The following MAGOHB variants were observed in gnomAD, a reference collection of about 807,000 sequenced individuals.
MAGOHB encodes the protein protein mago nashi homolog 2.
MAGOHB carries 15 observed loss-of-function variants against 20.9 expected under a neutral mutation model. That is an observed-to-expected ratio of 0.72 (90% CI 0.48 to 1.11). The LOEUF is 1.11. MAGOHB is among the 50% of genes least tolerant of loss of function. MAGOHB has a pLI of 0.00. For synonymous variants in MAGOHB, 50 were observed against 57.9 expected (o/e 0.86, Z 0.62); for missense variants, 162 against 177.6 (o/e 0.91, Z 0.50).
intron 1 of MAGOHB, 48 bp downstream of exon 1, chr12:10,613,391 G>C (rs748673415): frequency 1.3e-6 from 2 of 1,544,100 alleles, no homozygotes; most frequent in Non-Finnish European, 1.8e-6. Context: ...CCGGCCTCTC[G>C]GTCTCGCTCC....
chr12:10,613,192 C>G (rs918946305), intron 1 of MAGOHB, among the ~76,000 whole-genome samples: 1 of 152,122 alleles, frequency 6.6e-6, no homozygotes, highest in Non-Finnish European at 1.5e-5. Context: ...TCTAGAGTCC[C>G]TTCTGGTGCA....
intron 1 of MAGOHB, among the ~76,000 whole-genome samples, chr12:10,611,255 T>C (rs966884536): frequency 3.9e-5 from 6 of 152,340 alleles, no homozygotes; most frequent in African/African-American, 1.4e-4. Flanking sequence ...AATGCAGACA[T>C]TTTAGAATTA....
intron 4 of MAGOHB, among the ~76,000 whole-genome samples, chr12:10,607,434 C>T (rs564227378): frequency 2.6e-5 from 4 of 152,094 alleles, no homozygotes; most frequent in African/African-American, 7.2e-5. Flanking sequence ...GGGAAGACAT[C>T]GATAGCTAAA....
chr12:10,600,479 C>T (rs1865543793), downstream of MAGOHB, among the ~76,000 whole-genome samples: 1 of 152,038 alleles, frequency 6.6e-6, no homozygotes, highest in East Asian at 1.9e-4. Context: ...ATATATATCA[C>T]CAAATGCCCT....
At chr12:10,610,710 A>C (rs1369581096) in intron 1 of MAGOHB, 30 bp from the exon 2 acceptor site, 1 of 1,561,336 alleles carries the variant, frequency 6.4e-7, no homozygotes. Flanking sequence ...ATCAATTTAT[A>C]ATAGCAAAAA....
intron 1 of MAGOHB, among the ~76,000 whole-genome samples, chr12:10,611,767 A>AT (rs1260602299): frequency 6.7e-6 from 1 of 149,178 alleles, no homozygotes; most frequent in Non-Finnish European, 1.5e-5. Flanking sequence ...AAAAAAAAAA[A>AT]AAAAAAAAGA....
chr12:10,608,188 T>G, intron 3 of MAGOHB: 1 of 293,114 alleles, frequency 3.4e-6, no homozygotes. Context: ...AAGAAGACAC[T>G]ATGAAACAAA....
intron 2 of MAGOHB, 43 bp from the exon 3 acceptor site, chr12:10,609,984 T>C (rs374430869): frequency 2.7e-4 from 300 of 1,107,340 alleles, no homozygotes; most frequent in Non-Finnish European, 3.7e-4. Context: ...CCCACCTATG[T>C]CACCCCTCAA....
At chr12:10,609,663 AG>A in intron 3 of MAGOHB, 167 bp downstream of exon 3, 1 of 588,740 alleles carries the variant, frequency 1.7e-6, no homozygotes, top group South Asian at 2.1e-5. Context: ...ACTAGGAGGT[AG>A]CACAGAAAAA....
chr12:10,612,722 C>G (rs751806525), intron 1 of MAGOHB: 8 of 1,159,764 alleles, frequency 6.9e-6, no homozygotes, highest in South Asian at 1.7e-5. Context: ...AATGAACTTT[C>G]TTGTTGCAGG....
chr12:10,608,365 C>T (rs1453169958), intron 3 of MAGOHB: 1 of 156,230 alleles, frequency 6.4e-6, no homozygotes, highest in Non-Finnish European at 1.4e-5. Context: ...ATAACCACCA[C>T]CACTTTAGCA....
rs944686870 is a variant in MAGOHB, at chr12:10,605,059, A to G, written c.*1216T>C. ...AAAAAAGATGTTAAGTATAGAATCTAGGTAGGGGTAGGCATATAGGTGTTC... is the reference window on the plus strand; with the variant it reads ...AAAAAAGATGTTAAGTATAGAATCTGGGTAGGGGTAGGCATATAGGTGTTC... On this transcript the variant is annotated 3_prime_UTR_variant, in exon 5 of 5. Transcript: ENST00000320756. 18 of 152,236 alleles carry G rather than the reference A, an allele frequency of 1.2e-4. No homozygotes were observed. The highest frequency in any genetic ancestry group is 4.1e-4 in the African/African-American group (17 of 41,460). The allele number at this position is 152,236 out of a possible 1,614,324, so 9.4% of individuals were successfully genotyped here.
At chr12:10,611,592 C>T (rs866581611) in intron 1 of MAGOHB, among the ~76,000 whole-genome samples, 4 of 150,770 alleles carry the variant, frequency 2.7e-5, no homozygotes, top group East Asian at 3.9e-4. Context: ...ACTAAAAATA[C>T]GAAAAAATAG....
intron 1 of MAGOHB, chr12:10,612,798 T>C: frequency 7.8e-7 from 1 of 1,286,772 alleles, no homozygotes; most frequent in Non-Finnish European, 1.0e-6. Context: ...TGCACACTAC[T>C]TGGGTAGCAG....
chr12:10,613,590 G>A lies in MAGOHB; in HGVS notation c.-58C>T, dbSNP rs1213713681. On this transcript the variant is annotated 5_prime_UTR_variant, in exon 1 of 5. Coordinates refer to ENST00000320756, the MANE Select transcript of MAGOHB (RefSeq NM_018048.5). ...CCAACGTGTCCCCCGGCGCCTTGCAGTGACGTCATCGCGCGGAATAAGTGC... is the reference window on the plus strand; with the variant it reads ...CCAACGTGTCCCCCGGCGCCTTGCAATGACGTCATCGCGCGGAATAAGTGC... 8.7e-7 allele frequency: 1 copy of A among 1,151,478 alleles called. No homozygotes were observed. The highest frequency in any genetic ancestry group is 2.3e-5 in the East Asian group (1 of 42,756). The allele number at this position is 1,151,478 out of a possible 1,614,324, so 71.3% of individuals were successfully genotyped here. A position where few individuals can be genotyped will look rare whatever the true frequency, so the allele number is the denominator to read the frequency against.
chr12:10,609,249 G>A (rs1865681586), intron 3 of MAGOHB: 1 of 322,612 alleles, frequency 3.1e-6, no homozygotes, highest in Admixed American at 3.9e-5. Context: ...GAAATTAAAT[G>A]TTTCTTCCTT....
rs543641273 is a variant in MAGOHB at position 10,606,045 on chromosome 12, T to G, written c.*230A>C. ...TGGTATGTTTTATTAGAGCAAATTT[T>G]TAACAAAAGGTGGCTTTCATTTACA... is the stretch of plus-strand genomic sequence containing the variant. On this transcript the variant is annotated 3_prime_UTR_variant, in exon 5 of 5. Coordinates refer to ENST00000320756, the MANE Select transcript of MAGOHB (RefSeq NM_018048.5). 1 of 286,808 alleles carries G rather than the reference T, an allele frequency of 3.5e-6. No homozygotes were observed. The highest frequency in any genetic ancestry group is 1.4e-4 in the South Asian group (1 of 7,002). 17.8% of individuals were successfully genotyped at this position (286,808 alleles called of 1,614,324 possible). A position where few individuals can be genotyped will look rare whatever the true frequency, so the allele number is the denominator to read the frequency against.
At position 10,612,908 on chromosome 12, in the gene MAGOHB, TAAG is replaced by T. The variant is rs3837500; in HGVS notation, c.94+528_94+530del. On this transcript the variant is annotated intron_variant, in intron 1 of 4. Coordinates refer to ENST00000320756, the MANE Select transcript of MAGOHB (RefSeq NM_018048.5). ...GACTCATCTCAAGAGTGCCGTCCTC[TAAG>T]AAGATCTTCCTGACTCCCTCCTGTG... 40 of 1,289,200 alleles carry T rather than the reference TAAG, an allele frequency of 3.1e-5. No homozygotes were observed. In the East Asian group the frequency reaches 9.4e-4, roughly 30 times the overall value. 79.9% of individuals were successfully genotyped at this position (1,289,200 alleles called of 1,614,324 possible).
chr12:10,608,565 A>C (rs1021900048), intron 3 of MAGOHB: 1 of 151,262 alleles, frequency 6.6e-6, no homozygotes, highest in African/African-American at 2.4e-5. Flanking sequence ...CTTCAAAACT[A>C]ATACTCCACA....
Sources: allele counts gnomAD v4.1 joint callset (sites outside exome capture counted in the v4.1 genomes callset), GRCh38; gene constraint gnomAD v4.1.1; transcripts MANE v1.5; gene names NCBI Gene and HGNC (gene_info 2026-07-23, HGNC 2026-07-21).